BAHCC1: variants seen among roughly 807,000 people sequenced by gnomAD.
The protein encoded by BAHCC1 is BAH domain and coiled-coil containing 1.
Under a neutral mutation model 88.2 loss-of-function variants are expected in BAHCC1, and 43 were observed. The ratio of observed to expected loss-of-function variants is 0.49; its 90% CI spans 0.38 to 0.63. The LOEUF (loss-of-function observed/expected upper bound fraction) is 0.63. Among genes scored for constraint, BAHCC1 ranks in the 20% least tolerant of loss-of-function variants. BAHCC1 has a pLI of 0.00. For synonymous variants in BAHCC1, 1,510 were observed against 745.5 expected, an observed-to-expected ratio of 2.03 and a Z score of -16.71; for missense variants, 3,023 against 1,654.8, an observed-to-expected ratio of 1.83 and a Z score of -14.34.
chr17:81,406,490 C>T lies in BAHCC1; in HGVS notation c.178+6573C>T, dbSNP rs533732210. 4.8e-3 allele frequency among the ~76,000 whole-genome samples: 727 copies of T among 152,336 alleles called. 5 individuals are homozygous for T. Among genetic ancestry groups the T allele is most frequent in the African/African-American group, 0.016 (677 of 41,584 alleles). ...TAACAAGCAAAAAAAACATCAGAGCCAGCGTGCAGTGTCTGGAAAATCACC... is the reference window on the plus strand; with the variant it reads ...TAACAAGCAAAAAAAACATCAGAGCTAGCGTGCAGTGTCTGGAAAATCACC... On this transcript the variant is annotated intron_variant, in intron 2 of 27. Coordinates refer to ENST00000675386, the MANE Select transcript of BAHCC1 (RefSeq NM_001377448.1).
intron 2 of BAHCC1, chr17:81,406,960 G>A (rs773415222): frequency 2.1e-4 from 94 of 456,190 alleles, no homozygotes; most frequent in Non-Finnish European, 3.2e-4. Flanking sequence ...ATTCTGACCT[G>A]CTGTGGCGAG....
intron 2 of BAHCC1, among the ~76,000 whole-genome samples, chr17:81,423,314 G>T (rs2064137383): frequency 6.6e-6 from 1 of 152,228 alleles, no homozygotes. Context: ...GCTCAGCACA[G>T]CAGGAGCCTG....
chr17:81,461,021 C>A lies in BAHCC1; in HGVS notation c.6358C>A (p.Gln2120Lys), dbSNP rs782326193. 4 of 773,238 alleles carry A rather than the reference C, an allele frequency of 5.2e-6. No homozygotes were observed. In the African/African-American group the frequency reaches 6.8e-5, roughly 13 times the overall value. The allele number at this position is 773,238 out of a possible 1,614,324, so 47.9% of individuals were successfully genotyped here. ...AAASKGPGVL[Q>K]NLFQLNGSSK... ...GGCCAGCAAGGGGCCGGGGGTGCTG[C>A]AGAACCTCTTCCAGCTCAACGGCAG... Residue 2120 changes from glutamine (Q) to lysine (K), a missense_variant, in exon 26 of 28, where the codon CAG becomes AAG. Transcript: ENST00000675386.
rs781988925 is a variant in BAHCC1 at position 81,459,621 on chromosome 17, G to A, written c.5905+17G>A. On this transcript the variant is annotated intron_variant, in intron 23 of 27. Coordinates refer to ENST00000675386, the MANE Select transcript of BAHCC1 (RefSeq NM_001377448.1). ...TGGTCCGGGGTAAGTTGCACCCAAA[G>A]CGGGGGCTGGGGCAGGCCCCTCTGA... 1 of 779,440 alleles carries A rather than the reference G, an allele frequency of 1.3e-6. No individual in the cohort carries two copies. Among genetic ancestry groups the A allele is most frequent in the South Asian group, 1.3e-5 (1 of 74,610 alleles). The allele number at this position is 779,440 out of a possible 1,614,324, so 48.3% of individuals were successfully genotyped here.
At chr17:81,452,882 C>A in intron 14 of BAHCC1, 31 bp downstream of exon 14, 1 of 710,930 alleles carries the variant, frequency 1.4e-6, no homozygotes, top group Non-Finnish European at 2.6e-6. Context: ...TGGCAGGGCG[C>A]GTGTGGCCGG....
At chr17:81,400,357 C>T (rs1263655893) in intron 2 of BAHCC1, among the ~76,000 whole-genome samples, 7 of 152,102 alleles carry the variant, frequency 4.6e-5, no homozygotes, top group African/African-American at 1.7e-4. Context: ...GCCGCGGCCT[C>T]GCGGATTAGA....
chr17:81,433,210 T>A (rs554252287), intron 3 of BAHCC1, among the ~76,000 whole-genome samples: 1 of 151,986 alleles, frequency 6.6e-6, no homozygotes. Flanking sequence ...AATCTCTTGC[T>A]GTGCCGCCCC....
rs376981911 is a variant in BAHCC1 at position 81,418,796 on chromosome 17, C to CGTATGTGTGTGTGCGCGCAT, written c.179-8002_179-8001insATGTGTGTGTGCGCGCATGT. 8.3e-3 allele frequency among the ~76,000 whole-genome samples: 1,207 copies of CGTATGTGTGTGTGCGCGCAT among 144,914 alleles called. 12 individuals are homozygous for CGTATGTGTGTGTGCGCGCAT. Among genetic ancestry groups the CGTATGTGTGTGTGCGCGCAT allele is most frequent in the Non-Finnish European group, 0.014 (922 of 66,674 alleles). On this transcript the variant is annotated intron_variant, in intron 2 of 27. Transcript: ENST00000675386. ...GTGTACGTGTGTGTGTACGTGTGTGCGTGTGTGTGTGTACGTGTGTGTGTG... is the reference window on the plus strand; with the variant it reads ...GTGTACGTGTGTGTGTACGTGTGTGCGTATGTGTGTGTGCGCGCATGTGTGTGTGTGTACGTGTGTGTGTG...
Position 81,409,804 on chromosome 17 carries a change from G to T in BAHCC1, c.178+9887G>T, listed in dbSNP as rs78621784. Among the ~76,000 whole-genome samples the T allele has an allele frequency of 1.2e-3, 182 of 152,346 alleles. 2 individuals are homozygous for T. The East Asian group carries it at 0.025, about 21-fold the overall frequency. On this transcript the variant is annotated intron_variant, in intron 2 of 27. Transcript: ENST00000675386. The stretch of plus-strand genomic sequence containing the variant: ...AAGCACCTCCCCAGCAGGCTGGGCT[G>T]TGCCAGCGAGGGGGAGACCATGGCC...
chr17:81,419,590 A>G (rs918558024), intron 2 of BAHCC1, among the ~76,000 whole-genome samples: 10 of 149,366 alleles, frequency 6.7e-5, no homozygotes, highest in Non-Finnish European at 1.5e-4. Flanking sequence ...AGCGGAAGCC[A>G]GTGCCGAGGG....
At position 81,463,686 on chromosome 17, in the gene BAHCC1, C is replaced by T; in HGVS notation, c.7696C>T (p.Arg2566Cys). ...TISHKCQVVA[R>C]EQYEQMARSR... ...CTCCCACAAGTGCCAGGTCGTGGCG[C>T]GCGAGCAGTATGAGCAGATGGCCCG... Residue 2566 changes from arginine to cysteine, a missense_variant, in exon 28 of 28, where the codon CGC becomes TGC. By Grantham distance (180) the Arg-to-Cys change is radical. Coordinates refer to ENST00000675386, the MANE Select transcript of BAHCC1 (RefSeq NM_001377448.1). 1.3e-6 allele frequency: 1 copy of T among 779,668 alleles called. No homozygotes were observed. Among genetic ancestry groups the T allele is most frequent in the Non-Finnish European group, 2.4e-6 (1 of 417,896 alleles). 48.3% of individuals were successfully genotyped at this position (779,668 alleles called of 1,614,324 possible).
At position 81,458,798 on chromosome 17, in the gene BAHCC1, T is replaced by C. The variant is rs1555658265; in HGVS notation, c.5449-15T>C. On this transcript the variant is annotated splice_polypyrimidine_tract_variant and intron_variant, in intron 19 of 27. Coordinates refer to ENST00000675386, the MANE Select transcript of BAHCC1 (RefSeq NM_001377448.1). ...CGCCTGCACCCCACCCAAGCCTGAC[T>C]CCTCTGGCCCCCAGGGCAAGGGCCG... The C allele has an allele frequency of 1.3e-6, 1 of 760,864 alleles. No homozygotes were observed. The allele number at this position is 760,864 out of a possible 1,614,324, so 47.1% of individuals were successfully genotyped here. A position where few individuals can be genotyped will look rare whatever the true frequency, so the allele number is the denominator to read the frequency against.
At chr17:81,418,881 C>T (rs1415589471) in intron 2 of BAHCC1, among the ~76,000 whole-genome samples, 1 of 151,490 alleles carries the variant, frequency 6.6e-6, no homozygotes, top group East Asian at 1.9e-4. Flanking sequence ...TGTGTACACC[C>T]ATAGTCACGT....
At position 81,442,313 on chromosome 17, in the gene BAHCC1, AAGG is replaced by A; in HGVS notation, c.968_970del (p.Glu323del). 1 of 667,018 alleles carries A rather than the reference AAGG, an allele frequency of 1.5e-6. No homozygotes were observed. Among genetic ancestry groups the A allele is most frequent in the Non-Finnish European group, 2.7e-6 (1 of 368,132 alleles). The allele number at this position is 667,018 out of a possible 1,614,324, so 41.3% of individuals were successfully genotyped here. A position where few individuals can be genotyped will look rare whatever the true frequency, so the allele number is the denominator to read the frequency against. On this transcript the variant is annotated inframe_deletion, in exon 5 of 28. Coordinates refer to ENST00000675386, the MANE Select transcript of BAHCC1 (RefSeq NM_001377448.1). ...GGTGGTGACCTCCGGGCGCTGTGCA[AAGG>A]AGGCAGCAGGCCCCCCGGAGCCCGG...
intron 2 of BAHCC1, among the ~76,000 whole-genome samples, chr17:81,408,368 C>T (rs1359657669): frequency 2.0e-5 from 3 of 152,056 alleles, no homozygotes; most frequent in East Asian, 1.9e-4. Flanking sequence ...CCTAGATGCT[C>T]GGCTACCCCA....
Position 81,444,560 on chromosome 17 carries a change from A to G in BAHCC1, c.2504A>G (p.His835Arg). 1.4e-6 allele frequency: 1 copy of G among 714,448 alleles called. No homozygotes were observed. Among genetic ancestry groups the G allele is most frequent in the Non-Finnish European group, 2.6e-6 (1 of 391,442 alleles). 44.3% of individuals were successfully genotyped at this position (714,448 alleles called of 1,614,324 possible). A position where few individuals can be genotyped will look rare whatever the true frequency, so the allele number is the denominator to read the frequency against. The change falls in exon 7 of 28, where the codon CAC becomes CGC. Residue 835 changes from histidine (H) to arginine (R), a missense_variant. His to Arg is a conservative substitution (Grantham distance 29, BLOSUM62 0). Transcript: ENST00000675386. ...AGCCCCTCCCTGTGGATGGGGGGGC[A>G]CTCCTACGGTCAGTGATCCAAGGGC... Reference protein sequence around the residue: ...TRSPSLWMGGHSYGLGHPALH... With the variant: ...TRSPSLWMGGRSYGLGHPALH...
At chr17:81,403,838 G>A (rs2063846912) in intron 2 of BAHCC1, among the ~76,000 whole-genome samples, 1 of 152,134 alleles carries the variant, frequency 6.6e-6, no homozygotes, top group African/African-American at 2.4e-5. Flanking sequence ...GTGGACCGGC[G>A]GCGGTGGCCC....
intron 2 of BAHCC1, among the ~76,000 whole-genome samples, chr17:81,403,213 G>A (rs1481788717): frequency 6.6e-6 from 1 of 152,220 alleles, no homozygotes; most frequent in East Asian, 1.9e-4. Context: ...GCTTCTGGCT[G>A]GGCCCGCTCC....
At chr17:81,420,389 C>G (rs1158671538) in intron 2 of BAHCC1, among the ~76,000 whole-genome samples, 4 of 152,216 alleles carry the variant, frequency 2.6e-5, no homozygotes, top group Non-Finnish European at 5.9e-5. Context: ...AGACTCCAGC[C>G]CAGCTGTTGT....
Sources: allele counts gnomAD v4.1 joint callset (sites outside exome capture counted in the v4.1 genomes callset), GRCh38; gene constraint gnomAD v4.1.1; transcripts MANE v1.5; gene names NCBI Gene and HGNC (gene_info 2026-07-23, HGNC 2026-07-21).